Variants in MED12L observed in about 807,000 individuals in gnomAD.
The protein encoded by MED12L is mediator of RNA polymerase II transcription subunit 12-like protein.
In MED12L, 60 loss-of-function variants were observed where a neutral mutation model predicts 281.3. That is an observed-to-expected ratio of 0.21 (90% CI 0.17 to 0.26). MED12L has a LOEUF of 0.26. MED12L is among the 10% of genes least tolerant of loss of function. MED12L has a pLI of 1.00. For synonymous variants in MED12L, 974 were observed against 987.2 expected (o/e 0.99, Z 0.25); for missense variants, 2,146 against 2,680.9 (o/e 0.80, Z 4.41).
At chr3:151,394,440 A>T (rs569066876) in intron 38 of MED12L, among the ~76,000 whole-genome samples, 1 of 152,364 alleles carries the variant, frequency 6.6e-6, no homozygotes, top group South Asian at 2.1e-4. Flanking sequence ...CCATGAAATT[A>T]AAGTAGTATA....
At chr3:151,311,881 C>A (rs569131342) in intron 16 of MED12L, among the ~76,000 whole-genome samples, 1 of 152,030 alleles carries the variant, frequency 6.6e-6, no homozygotes, top group African/African-American at 2.4e-5. Context: ...AAAAATTAGC[C>A]GGGTGTGGTG....
chr3:151,181,576 CTTTTTTTT>C (rs57658133), intron 11 of MED12L, among the ~76,000 whole-genome samples: 27 of 47,076 alleles, frequency 5.7e-4, no homozygotes, highest in Non-Finnish European at 9.1e-4. Flanking sequence ...AGCTCATTGT[CTTTTTTTT>C]TTTTTTTTTT....
intron 16 of MED12L, among the ~76,000 whole-genome samples, chr3:151,319,746 AATC>A (rs1748767928): frequency 6.6e-6 from 1 of 152,172 alleles, no homozygotes; most frequent in Non-Finnish European, 1.5e-5. Context: ...ATTATTTATG[AATC>A]ATCATGAAAA....
At chr3:151,173,848 A>C (rs1189603210) in intron 11 of MED12L, among the ~76,000 whole-genome samples, 1 of 152,234 alleles carries the variant, frequency 6.6e-6, no homozygotes, top group East Asian at 1.9e-4. Flanking sequence ...TTGGTTGTCA[A>C]GTGAGTAGAA....
At chr3:151,423,276 C>T (rs758455983) in intron 43 of MED12L, among the ~76,000 whole-genome samples, 12 of 151,910 alleles carry the variant, frequency 7.9e-5, no homozygotes, top group Admixed American at 5.2e-4. Context: ...TGCTCGTTGA[C>T]GTCATCAGCT....
At chr3:151,372,984 T>C (rs1362028601) in intron 27 of MED12L, among the ~76,000 whole-genome samples, 1 of 152,228 alleles carries the variant, frequency 6.6e-6, no homozygotes, top group Non-Finnish European at 1.5e-5. Context: ...TTTTGCTACA[T>C]GTGCTTTGTA....
Position 151,266,147 on chromosome 3 carries a change from C to T in MED12L, c.2250+72481C>T, listed in dbSNP as rs373901566. ...TTTTGTTTGCAGCACAACGTTGTTA[C>T]GGCAACTTTATGCTAATGATGCTGC... On this transcript the variant is annotated intron_variant, in intron 16 of 44. Coordinates refer to ENST00000687756, the MANE Select transcript of MED12L (RefSeq NM_001393769.1). Among the ~76,000 whole-genome samples the T allele has an allele frequency of 3.2e-4, 48 of 152,268 alleles. 1 individual carries two copies. Among genetic ancestry groups the T allele is most frequent in the East Asian group, 2.5e-3 (13 of 5,184 alleles).
At chr3:151,198,669 G>A in intron 16 of MED12L, 1 of 1,614,012 alleles carries the variant, frequency 6.2e-7, no homozygotes, top group East Asian at 2.2e-5. Flanking sequence ...CGGACAATGT[G>A]GTAAGGAACA....
chr3:151,406,470 C>CA (rs1716319984), intron 39 of MED12L, among the ~76,000 whole-genome samples: 1 of 152,054 alleles, frequency 6.6e-6, no homozygotes, highest in African/African-American at 2.4e-5. Flanking sequence ...CTATGCCTGG[C>CA]AAAATTGGGA....
In MED12L at chr3:151,435,771, A is replaced by G. The variant is rs1335386875; in HGVS notation, c.*2967A>G. ...GCATGTAATATAAATTCAGTGAATTACAAAAACACATTTTGTGTAGGATTG... is the reference window on the plus strand; with the variant it reads ...GCATGTAATATAAATTCAGTGAATTGCAAAAACACATTTTGTGTAGGATTG... On this transcript the variant is annotated 3_prime_UTR_variant, in exon 45 of 45. Transcript: ENST00000687756. The G allele has an allele frequency of 6.6e-6, 1 of 152,216 alleles. No individual in the cohort carries two copies. Among genetic ancestry groups the G allele is most frequent in the African/African-American group, 2.4e-5 (1 of 41,448 alleles). The allele number at this position is 152,216 out of a possible 1,614,324, so 9.4% of individuals were successfully genotyped here. A position where few individuals can be genotyped will look rare whatever the true frequency, so the allele number is the denominator to read the frequency against.
chr3:151,372,555 T>C lies in MED12L; in HGVS notation c.3665-12T>C. The C allele has an allele frequency of 6.2e-7, 1 of 1,610,842 alleles. No individual in the cohort carries two copies. Among genetic ancestry groups the C allele is most frequent in the South Asian group, 1.1e-5 (1 of 90,928 alleles). On this transcript the variant is annotated splice_polypyrimidine_tract_variant and intron_variant, in intron 26 of 44. Transcript: ENST00000687756. ...ACTTCTGTGATTTTGCTTTTGTGATTCTATTACTTAGGAGATGCCAAAATT... is the reference window on the plus strand; with the variant it reads ...ACTTCTGTGATTTTGCTTTTGTGATCCTATTACTTAGGAGATGCCAAAATT...
intron 16 of MED12L, among the ~76,000 whole-genome samples, chr3:151,266,049 C>T (rs753377425): frequency 6.6e-5 from 10 of 152,218 alleles, no homozygotes; most frequent in Non-Finnish European, 1.0e-4. Context: ...TTAGATTCGA[C>T]TTGGCAGTGT....
At chr3:151,277,351 A>C (rs1250487631) in intron 16 of MED12L, among the ~76,000 whole-genome samples, 2 of 152,180 alleles carry the variant, frequency 1.3e-5, no homozygotes, top group Admixed American at 1.3e-4. Context: ...CATGTTTACA[A>C]ATCATAAAAT....
intron 16 of MED12L, among the ~76,000 whole-genome samples, chr3:151,305,560 C>T (rs748233945): frequency 3.5e-4 from 53 of 152,066 alleles, no homozygotes; most frequent in African/African-American, 1.1e-3. Context: ...TTTCCACCCC[C>T]GCCAGGTAGG....
At chr3:151,205,264 T>G (rs1726183631) in intron 16 of MED12L, among the ~76,000 whole-genome samples, 1 of 152,226 alleles carries the variant, frequency 6.6e-6, no homozygotes, top group African/African-American at 2.4e-5. Context: ...TATTTTTCCC[T>G]TACCTTGGTC....
intron 11 of MED12L, among the ~76,000 whole-genome samples, chr3:151,184,353 G>C (rs756342701): frequency 1.3e-5 from 2 of 152,286 alleles, no homozygotes; most frequent in Middle Eastern, 3.4e-3. Flanking sequence ...CTTCCATGGC[G>C]TGTGCTCATA....
At chr3:151,195,868 G>A (rs949148272) in intron 16 of MED12L, among the ~76,000 whole-genome samples, 12 of 152,118 alleles carry the variant, frequency 7.9e-5, no homozygotes, top group African/African-American at 2.4e-4. Context: ...TCTGTAAATC[G>A]GAAATTACTC....
chr3:151,164,313 A>C (rs537165037), intron 9 of MED12L, among the ~76,000 whole-genome samples: 1 of 152,268 alleles, frequency 6.6e-6, no homozygotes, highest in East Asian at 1.9e-4. Context: ...GTTCTAATAC[A>C]TGACCATGAC....
chr3:151,294,577 G>A lies in MED12L; in HGVS notation c.2251-55482G>A, dbSNP rs149315251. 136 of 1,614,132 alleles carry A rather than the reference G, an allele frequency of 8.4e-5. 1 individual carries two copies. The South Asian group carries it at 8.6e-4, about 10-fold the overall frequency. ...ACCTGGATATGGCTATGTAACATCC[G>A]ATCAGAATCACCAGCACGGCCACAA... On this transcript the variant is annotated intron_variant, in intron 16 of 44. Coordinates refer to ENST00000687756, the MANE Select transcript of MED12L (RefSeq NM_001393769.1).
Sources: allele counts gnomAD v4.1 joint callset (sites outside exome capture counted in the v4.1 genomes callset), GRCh38; gene constraint gnomAD v4.1.1; transcripts MANE v1.5; gene names NCBI Gene and HGNC (gene_info 2026-07-23, HGNC 2026-07-21).